Variants in CPQ observed in about 807,000 individuals in gnomAD.
CPQ encodes the protein carboxypeptidase Q.
Under a neutral mutation model 45.7 loss-of-function variants are expected in CPQ, and 37 were observed. The ratio of observed to expected loss-of-function variants is 0.81; its 90% CI spans 0.62 to 1.07. CPQ has a LOEUF of 1.07. Ranked by LOEUF, CPQ falls within the 50% of genes least tolerant of loss-of-function variation. The pLI is 0.00. For synonymous variants in CPQ, 186 were observed against 205.8 expected (o/e 0.90, Z 0.82); for missense variants, 537 against 572.9 (o/e 0.94, Z 0.64).
intron 7 of CPQ, among the ~76,000 whole-genome samples, chr8:97,073,429 T>C (rs542941741): frequency 6.6e-6 from 1 of 152,334 alleles, no homozygotes; most frequent in Non-Finnish European, 1.5e-5. Flanking sequence ...ATATCCCCTG[T>C]TGTCCCTAAT....
intron 5 of CPQ, among the ~76,000 whole-genome samples, chr8:96,967,237 T>G (rs1813581912): frequency 6.6e-6 from 1 of 152,224 alleles, no homozygotes; most frequent in African/African-American, 2.4e-5. Context: ...TGGACATTAA[T>G]TTTATTTCAG....
At chr8:96,745,137 G>A (rs768196834) in intron 1 of CPQ, among the ~76,000 whole-genome samples, 2 of 151,996 alleles carry the variant, frequency 1.3e-5, no homozygotes, top group Non-Finnish European at 2.9e-5. Flanking sequence ...GTGAAATCCC[G>A]TCTCTACTAA....
intron 2 of CPQ, among the ~76,000 whole-genome samples, chr8:96,815,363 C>T (rs1292719452): frequency 6.6e-6 from 1 of 152,060 alleles, no homozygotes; most frequent in African/African-American, 2.4e-5. Context: ...ATCCAAACAA[C>T]ATTGCTGTGA....
At chr8:96,883,180 A>G (rs190076976) in intron 4 of CPQ, among the ~76,000 whole-genome samples, 33 of 152,302 alleles carry the variant, frequency 2.2e-4, no homozygotes, top group African/African-American at 7.7e-4. Flanking sequence ...TCAGCAATTG[A>G]TGGATATGTG....
chr8:96,936,192 A>G (rs1330824684), intron 4 of CPQ, among the ~76,000 whole-genome samples: 1 of 152,166 alleles, frequency 6.6e-6, no homozygotes, highest in Non-Finnish European at 1.5e-5. Context: ...GTGGGACCAC[A>G]TTGGAAGGAG....
chr8:96,691,972 A>G (rs1298620851), intron 1 of CPQ, among the ~76,000 whole-genome samples: 1 of 152,230 alleles, frequency 6.6e-6, no homozygotes, highest in African/African-American at 2.4e-5. Flanking sequence ...CACCCTGGGC[A>G]TTATCAAAAC....
chr8:96,864,166 T>G (rs572449598), intron 3 of CPQ, among the ~76,000 whole-genome samples: 1 of 151,958 alleles, frequency 6.6e-6, no homozygotes, highest in Non-Finnish European at 1.5e-5. Flanking sequence ...TGGACACTAT[T>G]CCTCTCTCAC....
intron 5 of CPQ, among the ~76,000 whole-genome samples, chr8:96,968,542 G>A (rs1813609085): frequency 6.6e-6 from 1 of 152,206 alleles, no homozygotes; most frequent in Admixed American, 6.5e-5. Context: ...TAATTACATG[G>A]AATCCAATCT....
chr8:96,807,630 C>T (rs1340071136), intron 2 of CPQ, among the ~76,000 whole-genome samples: 1 of 152,194 alleles, frequency 6.6e-6, no homozygotes, highest in Non-Finnish European at 1.5e-5. Context: ...ATGGTAAATG[C>T]TCTTTGCTCC....
intron 4 of CPQ, among the ~76,000 whole-genome samples, chr8:96,898,051 C>T (rs1349661644): frequency 6.6e-6 from 1 of 151,528 alleles, no homozygotes; most frequent in East Asian, 1.9e-4. Flanking sequence ...GGCTTGAGAA[C>T]GTTGTTTTTG....
intron 1 of CPQ, among the ~76,000 whole-genome samples, chr8:96,711,829 A>G (rs1809611952): frequency 6.6e-6 from 1 of 152,122 alleles, no homozygotes; most frequent in Non-Finnish European, 1.5e-5. Context: ...TCATGTCCAC[A>G]TATTTCAAAA....
chr8:97,125,617 TAAAGG>T (rs2130615374), intron 7 of CPQ, among the ~76,000 whole-genome samples: 1 of 152,252 alleles, frequency 6.6e-6, no homozygotes, highest in African/African-American at 2.4e-5. Context: ...ATTAACATAA[TAAAGG>T]AAAGAGTATG....
At chr8:96,760,284 T>C (rs1172276933) in intron 1 of CPQ, among the ~76,000 whole-genome samples, 1 of 152,198 alleles carries the variant, frequency 6.6e-6, no homozygotes, top group Non-Finnish European at 1.5e-5. Context: ...GCTTACTATA[T>C]GCCCAGTGGC....
intron 7 of CPQ, among the ~76,000 whole-genome samples, chr8:97,126,035 T>C (rs924805020): frequency 6.6e-6 from 1 of 152,158 alleles, no homozygotes; most frequent in Non-Finnish European, 1.5e-5. Flanking sequence ...GCAATGGAAA[T>C]ACCTAGGCTG....
At chr8:96,919,908 A>G (rs1344787811) in intron 4 of CPQ, among the ~76,000 whole-genome samples, 2 of 152,180 alleles carry the variant, frequency 1.3e-5, no homozygotes, top group Non-Finnish European at 2.9e-5. Flanking sequence ...AGTTATACAG[A>G]TCTGAGTTTG....
intron 3 of CPQ, among the ~76,000 whole-genome samples, chr8:96,858,806 A>G (rs947354193): frequency 6.6e-6 from 1 of 152,158 alleles, no homozygotes; most frequent in Non-Finnish European, 1.5e-5. Context: ...ACACCACCCT[A>G]TTGAGGTCAG....
At chr8:96,784,547 G>T (rs1331547970) in intron 1 of CPQ, among the ~76,000 whole-genome samples, 1 of 152,134 alleles carries the variant, frequency 6.6e-6, no homozygotes, top group East Asian at 1.9e-4. Flanking sequence ...AGACTATACA[G>T]CAGGTAACAC....
chr8:96,937,886 G>A (rs934886050), intron 4 of CPQ, among the ~76,000 whole-genome samples: 2 of 152,140 alleles, frequency 1.3e-5, no homozygotes, highest in Non-Finnish European at 2.9e-5. Flanking sequence ...TGTGCTAGTC[G>A]GGCACTGTGC....
intron 7 of CPQ, chr8:97,092,359 T>C (rs1248063731): frequency 1.3e-5 from 2 of 152,150 alleles, no homozygotes; most frequent in African/African-American, 4.8e-5. Flanking sequence ...CCTTTTCCAA[T>C]AGGTACTTCT....
Sources: allele counts gnomAD v4.1 joint callset (sites outside exome capture counted in the v4.1 genomes callset), GRCh38; gene constraint gnomAD v4.1.1; transcripts MANE v1.5; gene names NCBI Gene and HGNC (gene_info 2026-07-23, HGNC 2026-07-21).